SLCO3A1: variants seen among roughly 807,000 people sequenced by gnomAD.
SLCO3A1 encodes the protein PGE1 transporter.
A neutral mutation model predicts 63.1 loss-of-function variants in SLCO3A1; 27 were observed. The ratio of observed to expected loss-of-function variants is 0.43; its 90% CI spans 0.32 to 0.59. The LOEUF (loss-of-function observed/expected upper bound fraction) is 0.59, where lower values mean the gene tolerates loss of function less well. Among genes scored for constraint, SLCO3A1 ranks in the 20% least tolerant of loss-of-function variants. The pLI, the probability that SLCO3A1 is intolerant of heterozygous loss-of-function variation, is 0.09. For missense variants in SLCO3A1, 773 were observed against 945.8 expected (o/e 0.82, Z 2.40); for synonymous variants, 473 against 409.9 (o/e 1.15, Z -1.86).
chr15:91,888,327 T>G (rs1166405312), intron 1 of SLCO3A1, among the ~76,000 whole-genome samples: 2 of 152,244 alleles, frequency 1.3e-5, no homozygotes, highest in Non-Finnish European at 2.9e-5. Flanking sequence ...GCTCTCTTAT[T>G]ACATCCTGAG....
rs1407459554 is a variant in SLCO3A1 at position 91,900,534 on chromosome 15, G to A, written c.181-15459G>A. On this transcript the variant is annotated intron_variant, in intron 1 of 9. Transcript: ENST00000318445. The surrounding 1 kb of genome is among the most constrained non-coding windows in gnomAD (Gnocchi z 4.3). Reference sequence around the variant, plus strand: ...CAGTAGAGACGGGTTTCACCATGTTGGCCAGGCTTGTCTCAAACTGCTGAC... The same window carrying A: ...CAGTAGAGACGGGTTTCACCATGTTAGCCAGGCTTGTCTCAAACTGCTGAC... Among the ~76,000 whole-genome samples, 3 of 152,124 alleles carry A rather than the reference G, an allele frequency of 2.0e-5. No individual in the cohort carries two copies. Among genetic ancestry groups the A allele is most frequent in the South Asian group, 4.1e-4 (2 of 4,828 alleles).
Position 91,859,205 on chromosome 15 carries a change from T to A in SLCO3A1, c.180+5117T>A, listed in dbSNP as rs368837039. ...TAACTTTGACTGTATGGTTGACACA[T>A]GGATTTGGAACCGTTCTCCCCTGAA... is the stretch of plus-strand genomic sequence containing the variant. On this transcript the variant is annotated intron_variant, in intron 1 of 9. Transcript: ENST00000318445. The surrounding 1 kb of genome is among the most constrained non-coding windows in gnomAD (Gnocchi z 5.1). Among the ~76,000 whole-genome samples, 2 of 152,240 alleles carry A rather than the reference T, an allele frequency of 1.3e-5. No individual in the cohort carries two copies. The highest frequency in any genetic ancestry group is 4.8e-5 in the African/African-American group (2 of 41,462).
At position 92,164,636 on chromosome 15, in the gene SLCO3A1, C is replaced by G; in HGVS notation, c.*1501C>G. On this transcript the variant is annotated 3_prime_UTR_variant, in exon 10 of 10. Coordinates refer to ENST00000318445, the MANE Select transcript of SLCO3A1 (RefSeq NM_013272.4). ...GCATCTCTGATAACGAATAGACCCACAAGCTCCTGGAAGCTGTCGTGTGTC... is the reference window on the plus strand; with the variant it reads ...GCATCTCTGATAACGAATAGACCCAGAAGCTCCTGGAAGCTGTCGTGTGTC... 1.0e-6 allele frequency: 1 copy of G among 985,368 alleles called. No individual in the cohort carries two copies. The highest frequency in any genetic ancestry group is 5.2e-4 in the Middle Eastern group (1 of 1,914). The allele number at this position is 985,368 out of a possible 1,614,324, so 61.0% of individuals were successfully genotyped here.
chr15:91,977,985 G>T (rs1901184740), intron 2 of SLCO3A1, among the ~76,000 whole-genome samples: 1 of 152,188 alleles, frequency 6.6e-6, no homozygotes. Flanking sequence ...TAGGCACTCA[G>T]TAAACACAGA....
intron 2 of SLCO3A1, among the ~76,000 whole-genome samples, chr15:91,945,180 A>G (rs536819890): frequency 2.0e-5 from 3 of 152,134 alleles, no homozygotes; most frequent in South Asian, 4.2e-4. Context: ...TGTCTCTACT[A>G]AAAATACAAA....
rs537327156 is a variant in SLCO3A1 at position 92,126,572 on chromosome 15, A to C, written c.1373+313A>C. 3.9e-5 allele frequency among the ~76,000 whole-genome samples: 6 copies of C among 152,316 alleles called. No homozygotes were observed. In the South Asian group the frequency reaches 1.2e-3, roughly 32 times the overall value. ...GAGAGAAAATAAAAATTTTAATTCA[A>C]AATTCAGCTCAAAATAAAAGACAGA... is the stretch of plus-strand genomic sequence containing the variant. On this transcript the variant is annotated intron_variant, in intron 6 of 9. Transcript: ENST00000318445.
chr15:92,125,005 C>T (rs1411961667), intron 5 of SLCO3A1, among the ~76,000 whole-genome samples: 1 of 152,094 alleles, frequency 6.6e-6, no homozygotes, highest in African/African-American at 2.4e-5. Context: ...GGGAAGAAAA[C>T]CAAGCACAGA....
chr15:91,984,390 C>A (rs553274198), intron 2 of SLCO3A1, among the ~76,000 whole-genome samples: 1 of 152,270 alleles, frequency 6.6e-6, no homozygotes, highest in South Asian at 2.1e-4. Flanking sequence ...ACAAATAATT[C>A]TAAAAGTTGA....
Position 91,941,274 on chromosome 15 carries a change from T to G in SLCO3A1, c.646+24816T>G. On this transcript the variant is annotated intron_variant, in intron 2 of 9. Coordinates refer to ENST00000318445, the MANE Select transcript of SLCO3A1 (RefSeq NM_013272.4). This position sits in a 1 kb window ranked among gnomAD's most constrained non-coding sequence, Gnocchi z 4.4. ...GGGAATGTGAGCTGGTTTAGGTGTG[T>G]TGGGGCAGGGCGGGGCTCGGCTGGG... 4.0e-6 allele frequency: 1 copy of G among 253,104 alleles called. No individual in the cohort carries two copies. 15.7% of individuals were successfully genotyped at this position (253,104 alleles called of 1,614,324 possible).
intron 2 of SLCO3A1, among the ~76,000 whole-genome samples, chr15:92,030,684 G>A (rs1000804321): frequency 6.6e-6 from 1 of 152,142 alleles, no homozygotes; most frequent in African/African-American, 2.4e-5. Context: ...TTTGAGGGTT[G>A]AGCAACATGC....
At chr15:92,101,119 C>G (rs2047599987) in intron 3 of SLCO3A1, among the ~76,000 whole-genome samples, 1 of 152,142 alleles carries the variant, frequency 6.6e-6, no homozygotes, top group African/African-American at 2.4e-5. Flanking sequence ...CCTCAATATC[C>G]CTAGTTCTGA....
At chr15:91,966,910 A>G (rs907646108) in intron 2 of SLCO3A1, among the ~76,000 whole-genome samples, 3 of 152,178 alleles carry the variant, frequency 2.0e-5, no homozygotes, top group South Asian at 4.1e-4. Context: ...TGCTGCACCA[A>G]TTATGTTGTG....
intron 4 of SLCO3A1, among the ~76,000 whole-genome samples, chr15:92,111,095 C>T (rs994166885): frequency 6.6e-6 from 1 of 152,156 alleles, no homozygotes; most frequent in Admixed American, 6.5e-5. Flanking sequence ...AGCACATTCA[C>T]CCCCGCCCCA....
intron 2 of SLCO3A1, among the ~76,000 whole-genome samples, chr15:92,031,794 T>C (rs970890500): frequency 6.6e-6 from 1 of 152,214 alleles, no homozygotes; most frequent in African/African-American, 2.4e-5. Flanking sequence ...ATCCTTTCTC[T>C]GTATTATAAA....
At chr15:92,064,398 T>C (rs1175965982) in intron 2 of SLCO3A1, among the ~76,000 whole-genome samples, 1 of 151,520 alleles carries the variant, frequency 6.6e-6, no homozygotes, top group Non-Finnish European at 1.5e-5. Flanking sequence ...GGTTGTCTCT[T>C]CACTTTGTTA....
intron 2 of SLCO3A1, among the ~76,000 whole-genome samples, chr15:92,086,034 T>G (rs1477411555): frequency 6.6e-6 from 1 of 152,182 alleles, no homozygotes; most frequent in Non-Finnish European, 1.5e-5. Flanking sequence ...CTACCATGGT[T>G]GGGCATTTGG....
intron 4 of SLCO3A1, among the ~76,000 whole-genome samples, chr15:92,119,477 C>A (rs114410051): frequency 0.019 from 2,896 of 152,250 alleles, 103 homozygotes; most frequent in African/African-American, 0.066. Flanking sequence ...GAGTGGGAGG[C>A]TTCTTCTAGG....
intron 2 of SLCO3A1, among the ~76,000 whole-genome samples, chr15:92,040,405 A>G (rs1364113179): frequency 6.6e-6 from 1 of 152,182 alleles, no homozygotes; most frequent in Non-Finnish European, 1.5e-5. Flanking sequence ...ATGCTAGGCC[A>G]GTGAATTTTG....
intron 2 of SLCO3A1, among the ~76,000 whole-genome samples, chr15:91,946,124 G>A (rs902801432): frequency 1.3e-5 from 2 of 152,226 alleles, no homozygotes; most frequent in East Asian, 1.9e-4. Flanking sequence ...ACTTCAGGGA[G>A]TGTGTCCCCA....
Sources: gnomAD v4.1 joint callset for allele counts (sites outside exome capture counted in the v4.1 genomes callset) on GRCh38, gnomAD v4.1.1 for gene constraint, Gnocchi (gnomAD v3.1) non-coding constraint, MANE v1.5 for transcripts, NCBI Gene and HGNC (gene_info 2026-07-23, HGNC 2026-07-21) for gene names.